The following PIGU variants were observed in gnomAD, a reference collection of about 807,000 sequenced individuals.
PIGU encodes the protein GPI-anchor transamidase component PIGU.
A neutral mutation model predicts 49.9 loss-of-function variants in PIGU; 24 were observed. The ratio of observed to expected loss-of-function variants is 0.48; its 90% confidence interval spans 0.35 to 0.68. The LOEUF is 0.68. PIGU is among the 30% of genes least tolerant of loss of function. PIGU has a pLI of 0.01. For synonymous variants in PIGU, 220 were observed against 205.7 expected (o/e 1.07, Z -0.59); for missense variants, 490 against 532.6 (o/e 0.92, Z 0.79).
chr20:34,628,404 ATAAC>A (rs1985575630), intron 6 of PIGU, among the ~76,000 whole-genome samples: 2 of 152,188 alleles, frequency 1.3e-5, no homozygotes, highest in South Asian at 4.1e-4. Context: ...TTATAAGAAA[ATAAC>A]TAAATATGAG....
intron 7 of PIGU, among the ~76,000 whole-genome samples, chr20:34,599,033 T>C (rs779181734): frequency 1.3e-5 from 2 of 152,176 alleles, no homozygotes; most frequent in Admixed American, 6.5e-5. Flanking sequence ...TTTGCAGAGA[T>C]AGGGTCTTGC....
chr20:34,598,423 C>T, intron 7 of PIGU, among the ~76,000 whole-genome samples: 1 of 152,190 alleles, frequency 6.6e-6, no homozygotes, highest in South Asian at 2.1e-4. Flanking sequence ...TGGTAATATA[C>T]ATCTCATAGG....
intron 1 of PIGU, among the ~76,000 whole-genome samples, chr20:34,676,360 T>C (rs1159815013): frequency 6.6e-6 from 1 of 152,212 alleles, no homozygotes; most frequent in Non-Finnish European, 1.5e-5. Flanking sequence ...CACTAGCCTG[T>C]GCAGCTACTT....
At chr20:34,582,254 C>A (rs1206483042) in intron 9 of PIGU, among the ~76,000 whole-genome samples, 1 of 152,190 alleles carries the variant, frequency 6.6e-6, no homozygotes, top group African/African-American at 2.4e-5. Flanking sequence ...AAACTAATAG[C>A]AGTTTCAATT....
chr20:34,647,777 T>C (rs1271227335), intron 2 of PIGU, among the ~76,000 whole-genome samples: 3 of 152,162 alleles, frequency 2.0e-5, no homozygotes, highest in Non-Finnish European at 4.4e-5. Flanking sequence ...TAACGGTCCA[T>C]TATATGGTCA....
intron 4 of PIGU, among the ~76,000 whole-genome samples, chr20:34,639,612 T>C (rs1347066743): frequency 6.6e-6 from 1 of 152,136 alleles, no homozygotes; most frequent in African/African-American, 2.4e-5. Flanking sequence ...CTATGCTTTA[T>C]CTATTTTTGC....
At chr20:34,609,414 G>C (rs1984733435) in intron 7 of PIGU, among the ~76,000 whole-genome samples, 1 of 150,384 alleles carries the variant, frequency 6.6e-6, no homozygotes, top group Admixed American at 6.6e-5. Context: ...ACCCAGGCTT[G>C]AGTGCAGTGG....
chr20:34,607,506 C>T (rs1490346081), intron 7 of PIGU, among the ~76,000 whole-genome samples: 5 of 152,172 alleles, frequency 3.3e-5, no homozygotes, highest in African/African-American at 4.8e-5. Context: ...GACCACCTTC[C>T]TGCTCCATCC....
intron 6 of PIGU, among the ~76,000 whole-genome samples, chr20:34,617,603 G>A (rs1232287312): frequency 3.9e-5 from 6 of 152,192 alleles, no homozygotes; most frequent in Non-Finnish European, 1.5e-5. Flanking sequence ...GATTTTACAG[G>A]CTCACAGGCG....
At position 34,644,164 on chromosome 20, in the gene PIGU, C is replaced by T. The variant is rs143986896; in HGVS notation, c.318G>A (p.Val106=). The T allele has an allele frequency of 2.1e-5, 33 of 1,606,328 alleles. No homozygotes were observed. Among genetic ancestry groups the T allele is most frequent in the Non-Finnish European group, 2.6e-5 (31 of 1,173,220 alleles). The change falls in exon 4 of 12, where the codon GTG becomes GTA. Residue 106 remains valine, a splice_region_variant and synonymous_variant. Transcript: ENST00000217446. The part of the protein sequence containing the change: ...YFAIQDFNKV[V]FKKQKLLLEL... Reference sequence around the variant, plus strand: ...TTTGCTCCACCCACAAACTACTTACCACAACTTTATTGAAGTCCTGGATTG... The same window carrying T: ...TTTGCTCCACCCACAAACTACTTACTACAACTTTATTGAAGTCCTGGATTG...
chr20:34,640,722 G>C (rs975493857), intron 4 of PIGU, among the ~76,000 whole-genome samples: 2 of 152,146 alleles, frequency 1.3e-5, no homozygotes, highest in African/African-American at 4.8e-5. Context: ...TCAGCTTGTA[G>C]ACAGATGGTA....
At chr20:34,620,607 C>T (rs535293579) in intron 6 of PIGU, among the ~76,000 whole-genome samples, 4 of 151,766 alleles carry the variant, frequency 2.6e-5, no homozygotes, top group African/African-American at 9.7e-5. Context: ...GTCGGGAGAT[C>T]GAGACCATCC....
intron 1 of PIGU, among the ~76,000 whole-genome samples, chr20:34,658,133 C>A (rs946329974): frequency 6.6e-6 from 1 of 152,250 alleles, no homozygotes; most frequent in Admixed American, 6.5e-5. Flanking sequence ...CCTGCGATTG[C>A]AGGCGCGCGC....
intron 6 of PIGU, among the ~76,000 whole-genome samples, chr20:34,620,885 C>T (rs1985193923): frequency 6.6e-6 from 1 of 151,398 alleles, no homozygotes; most frequent in Non-Finnish European, 1.5e-5. Context: ...ATCACAACAG[C>T]CCTGTGAAAG....
Position 34,645,309 on chromosome 20 carries a change from T to G in PIGU, c.221A>C (p.His74Pro), listed in dbSNP as rs1568656170. Reference protein sequence around the residue: ...HETPLIIYLFHFLIDYAELVF... With the variant: ...HETPLIIYLFPFLIDYAELVF... ...CAATTCAGCATAGTCAATTAGGAAA[T>G]GAAAGAGGTATATTATTAATGGAGT... The change falls in exon 3 of 12, where the codon CAT becomes CCT. Residue 74 changes from histidine to proline, a missense_variant. His to Pro is a moderately conservative substitution (Grantham distance 77, BLOSUM62 -2). Coordinates refer to ENST00000217446, the MANE Select transcript of PIGU (RefSeq NM_080476.5). The G allele has an allele frequency of 6.3e-7, 1 of 1,577,290 alleles. No individual in the cohort carries two copies. The highest frequency in any genetic ancestry group is 8.6e-7 in the Non-Finnish European group (1 of 1,167,864).
In PIGU at chr20:34,581,601, C is replaced by T. The variant is rs41290896; in HGVS notation, c.998G>A (p.Gly333Glu). The change falls in exon 10 of 12, where the codon GGG (glycine) becomes GAG (glutamate). Residue 333 changes from glycine (G) to glutamate (E), a missense_variant. Physicochemically the swap from Gly to Glu is moderately conservative, Grantham distance 98 (BLOSUM62 -2). Transcript: ENST00000217446. ...GAAGGCCATGTAGAGCGCCACGTCC[C>T]CCACTGTCGGGTAGGACTTAAAGAT... ...IAIFKSYPTV[G>E]DVALYMAFFP... is the part of the protein sequence containing the mutation. 6.4e-3 allele frequency: 10,303 copies of T among 1,613,984 alleles called. 95 individuals carry two copies. The highest frequency in any genetic ancestry group is 0.033 in the Middle Eastern group (196 of 6,016).
At chr20:34,572,960 G>T (rs1983075151) in intron 11 of PIGU, among the ~76,000 whole-genome samples, 1 of 152,218 alleles carries the variant, frequency 6.6e-6, no homozygotes. Context: ...GTCTGCAGAG[G>T]AGTAGAAAAT....
chr20:34,674,926 AG>A (rs1987446733), intron 1 of PIGU, among the ~76,000 whole-genome samples: 1 of 138,236 alleles, frequency 7.2e-6, no homozygotes, highest in Non-Finnish European at 1.5e-5. Flanking sequence ...TGAGTGTCAG[AG>A]TGAGACCCTG....
At chr20:34,586,820 C>T (rs184175243) in intron 8 of PIGU, among the ~76,000 whole-genome samples, 1 of 152,300 alleles carries the variant, frequency 6.6e-6, no homozygotes, top group African/African-American at 2.4e-5. Flanking sequence ...ACTAGAGGAA[C>T]ACATCCATTC....
Sources: allele counts gnomAD v4.1 joint callset (sites outside exome capture counted in the v4.1 genomes callset), GRCh38; gene constraint gnomAD v4.1.1; transcripts MANE v1.5; gene names NCBI Gene and HGNC (gene_info 2026-07-23, HGNC 2026-07-21).